DENND4A: variants seen among roughly 807,000 people sequenced by gnomAD.
DENND4A encodes the protein C-myc promoter-binding protein.
In DENND4A, 70 loss-of-function variants were observed where a neutral mutation model predicts 199.3. The ratio of observed to expected loss-of-function variants is 0.35; its 90% CI spans 0.29 to 0.43. DENND4A has a LOEUF of 0.43. Ranked by LOEUF, DENND4A falls within the 20% of genes least tolerant of loss-of-function variation. The pLI is 1.00. For missense variants in DENND4A, 1,723 were observed against 2,255.8 expected (o/e 0.76, Z 4.78); for synonymous variants, 686 against 766.9 (o/e 0.89, Z 1.74).
chr15:65,775,356 GA>G (rs1437898191), intron 1 of DENND4A, among the ~76,000 whole-genome samples: 1 of 135,510 alleles, frequency 7.4e-6, no homozygotes, highest in Non-Finnish European at 1.6e-5. Flanking sequence ...AAAAAGAAAA[GA>G]AAAGAAGTCA....
At chr15:65,774,648 C>A (rs1011797330) in intron 1 of DENND4A, among the ~76,000 whole-genome samples, 18 of 151,584 alleles carry the variant, frequency 1.2e-4, no homozygotes, top group African/African-American at 4.4e-4. Context: ...CCAGCCTGGG[C>A]AACAAAGTGA....
chr15:65,700,479 CAT>C, intron 20 of DENND4A, 63 bp downstream of exon 20: 1 of 1,089,980 alleles, frequency 9.2e-7, no homozygotes, highest in East Asian at 3.3e-5. Context: ...TGTAAAAAAA[CAT>C]AGGCTAGCAA....
rs1336540353 is a variant in DENND4A, at chr15:65,756,251, T to G, written c.200A>C (p.Asp67Ala). 1 of 1,612,720 alleles carries G rather than the reference T, an allele frequency of 6.2e-7. No individual in the cohort carries two copies. Among genetic ancestry groups the G allele is most frequent in the Non-Finnish European group, 8.5e-7 (1 of 1,179,322 alleles). Reference protein sequence around the residue: ...EEVPQDYICIDVTPTGLSADL... With the variant: ...EEVPQDYICIAVTPTGLSADL... ...AGCTGACAATCCAGTTGGGGTAACA[T>G]CAATACAGATATAATCCTGTGGGAC... The change falls in exon 3 of 33, where the codon GAT (aspartate) becomes GCT (alanine). Residue 67 changes from aspartate (D) to alanine (A), a missense_variant. Asp to Ala is a moderately radical substitution (Grantham distance 126). This residue lies in a region of DENND4A where 725 missense variants were observed against 952.9 expected (regional missense o/e 0.76). Coordinates refer to ENST00000443035, the MANE Select transcript of DENND4A (RefSeq NM_001320835.1).
At chr15:65,776,658 G>A (rs1012793125) in intron 1 of DENND4A, among the ~76,000 whole-genome samples, 14 of 152,018 alleles carry the variant, frequency 9.2e-5, no homozygotes, top group African/African-American at 2.9e-4. Context: ...TGGCTTCATC[G>A]GCCACAGTTG....
chr15:65,743,670 T>C (rs1439201551), intron 4 of DENND4A, among the ~76,000 whole-genome samples: 1 of 152,270 alleles, frequency 6.6e-6, no homozygotes, highest in East Asian at 1.9e-4. Flanking sequence ...TTATCATTAA[T>C]ACCTAAAACA....
chr15:65,676,702 A>C (rs1345213025), intron 23 of DENND4A, 68 bp from the exon 24 acceptor site: 1 of 1,305,796 alleles, frequency 7.7e-7, no homozygotes, highest in Non-Finnish European at 1.0e-6. Context: ...GTCACTTCTA[A>C]GGCAGAAAAA....
At position 65,789,079 on chromosome 15, in the gene DENND4A, T is replaced by G. The variant is rs557790172; in HGVS notation, c.-102+2931A>C. Among the ~76,000 whole-genome samples, 8 of 152,274 alleles carry G rather than the reference T, an allele frequency of 5.3e-5. No individual in the cohort carries two copies. The East Asian group carries it at 1.3e-3, about 26-fold the overall frequency. On this transcript the variant is annotated intron_variant, in intron 1 of 32. Coordinates refer to ENST00000443035, the MANE Select transcript of DENND4A (RefSeq NM_001320835.1). ...ATGTCAGTACATTTTTAAAATGATTTTTAGAAGTTGTATCCACCATATAGA... is the reference window on the plus strand; with the variant it reads ...ATGTCAGTACATTTTTAAAATGATTGTTAGAAGTTGTATCCACCATATAGA...
rs751413325 is a variant in DENND4A at position 65,702,936 on chromosome 15, GTTC to G, written c.2157_2159del (p.Lys719del). The G allele has an allele frequency of 2.9e-5, 46 of 1,613,024 alleles. No homozygotes were observed. Among genetic ancestry groups the G allele is most frequent in the South Asian group, 1.1e-5 (1 of 91,054 alleles). On this transcript the variant is annotated inframe_deletion, in exon 16 of 33. Transcript: ENST00000443035. The stretch of plus-strand genomic sequence containing the variant: ...GACTACTTGATTTTGAAGGCAATTT[GTTC>G]TTCTTTGCTTGTAGAAATCCTTCAG...
chr15:65,777,665 A>AT (rs1301887773), intron 1 of DENND4A, among the ~76,000 whole-genome samples: 2 of 152,148 alleles, frequency 1.3e-5, no homozygotes, highest in African/African-American at 4.8e-5. Context: ...AAACAAAAAA[A>AT]TTGATTAAAC....
intron 4 of DENND4A, among the ~76,000 whole-genome samples, chr15:65,750,146 C>T (rs940754094): frequency 6.6e-6 from 1 of 151,954 alleles, no homozygotes; most frequent in Admixed American, 6.6e-5. Context: ...TAATACTATA[C>T]AATCATAAAA....
rs540940127 is a variant in DENND4A, at chr15:65,664,088, G to C, written c.5587+242C>G. Among the ~76,000 whole-genome samples, 3 of 152,108 alleles carry C rather than the reference G, an allele frequency of 2.0e-5. No individual in the cohort carries two copies. The South Asian group carries it at 6.2e-4, about 32-fold the overall frequency. On this transcript the variant is annotated intron_variant, in intron 32 of 32. Coordinates refer to ENST00000443035, the MANE Select transcript of DENND4A (RefSeq NM_001320835.1). Reference sequence around the variant, plus strand: ...TAGTGTTTTTTTGGTATATTCACAAGATTGTACAACTATCACCACTGCCTA... The same window carrying C: ...TAGTGTTTTTTTGGTATATTCACAACATTGTACAACTATCACCACTGCCTA...
chr15:65,761,880 T>C (rs372790282), intron 1 of DENND4A, among the ~76,000 whole-genome samples: 3 of 152,108 alleles, frequency 2.0e-5, no homozygotes, highest in Non-Finnish European at 2.9e-5. Flanking sequence ...TAAAAAAAAG[T>C]TTCAAAGAAG....
At chr15:65,767,764 T>C (rs968671018) in intron 1 of DENND4A, among the ~76,000 whole-genome samples, 3 of 152,120 alleles carry the variant, frequency 2.0e-5, no homozygotes, top group East Asian at 1.9e-4. Flanking sequence ...TACAGCAAAA[T>C]AGCATTTATA....
Position 65,664,540 on chromosome 15 carries a change from C to G in DENND4A, c.5522+20G>C. The G allele has an allele frequency of 1.2e-6, 2 of 1,602,984 alleles. No individual in the cohort carries two copies. Among genetic ancestry groups the G allele is most frequent in the Non-Finnish European group, 1.7e-6 (2 of 1,172,578 alleles). On this transcript the variant is annotated intron_variant, in intron 31 of 32. Transcript: ENST00000443035. ...AATCTGCCTAGGAGAACAATATATT[C>G]GTCTAAGAGAAGGACTTACCTCTGT...
At chr15:65,783,092 T>C (rs1012664990) in intron 1 of DENND4A, among the ~76,000 whole-genome samples, 8 of 152,092 alleles carry the variant, frequency 5.3e-5, no homozygotes, top group Non-Finnish European at 1.0e-4. Context: ...TTTAGATCAA[T>C]TTATTAAAAA....
intron 30 of DENND4A, 99 bp downstream of exon 30, chr15:65,665,246 C>G: frequency 1.2e-6 from 1 of 858,334 alleles, no homozygotes; most frequent in South Asian, 2.1e-5. Context: ...AAAAGTAGTA[C>G]AGTAAAATAA....
At chr15:65,783,216 G>T (rs140791038) in intron 1 of DENND4A, among the ~76,000 whole-genome samples, 3 of 152,182 alleles carry the variant, frequency 2.0e-5, no homozygotes, top group Admixed American at 2.0e-4. Flanking sequence ...GTTCTTTTTT[G>T]GTAAAGGCAT....
chr15:65,785,076 G>A (rs1230746272), intron 1 of DENND4A, among the ~76,000 whole-genome samples: 1 of 151,676 alleles, frequency 6.6e-6, no homozygotes, highest in Non-Finnish European at 1.5e-5. Context: ...GGAGGTTGCA[G>A]TGAGCCACCA....
Position 65,780,600 on chromosome 15 carries a change from G to A in DENND4A, c.-102+11410C>T, listed in dbSNP as rs900650442. On this transcript the variant is annotated intron_variant, in intron 1 of 32. Coordinates refer to ENST00000443035, the MANE Select transcript of DENND4A (RefSeq NM_001320835.1). Reference sequence around the variant, plus strand: ...TTTAAAACCCAGGATTAGTTGGTTTGTTCTTTCATTCACTAATTCATAGCC... The same window carrying A: ...TTTAAAACCCAGGATTAGTTGGTTTATTCTTTCATTCACTAATTCATAGCC... 5.3e-5 allele frequency among the ~76,000 whole-genome samples: 8 copies of A among 152,254 alleles called. No individual in the cohort carries two copies. The South Asian group carries it at 1.7e-3, about 32-fold the overall frequency.
Sources: allele counts gnomAD v4.1 joint callset (sites outside exome capture counted in the v4.1 genomes callset), GRCh38; gene constraint gnomAD v4.1.1; regional missense constraint gnomAD v4.1.1; transcripts MANE v1.5; gene names NCBI Gene and HGNC (gene_info 2026-07-23, HGNC 2026-07-21).